Variants in GIPC2 observed in about 807,000 individuals in gnomAD.
GIPC2 encodes PDZ domain-containing protein GIPC2.
In GIPC2, 30 loss-of-function variants were observed where a neutral mutation model predicts 30.6. The ratio of observed to expected loss-of-function variants is 0.98; its 90% confidence interval spans 0.73 to 1.33. The LOEUF (loss-of-function observed/expected upper bound fraction) is 1.33. Ranked by LOEUF, GIPC2 falls within the 40% of genes most tolerant of loss-of-function variation. The pLI is 0.00. For missense variants in GIPC2, 414 were observed against 390.3 expected, an observed-to-expected ratio of 1.06 and a Z score of -0.51; for synonymous variants, 167 against 150.0, an observed-to-expected ratio of 1.11 and a Z score of -0.83.
chr1:78,107,090 C>T (rs187985504), intron 3 of GIPC2, among the ~76,000 whole-genome samples: 3 of 150,226 alleles, frequency 2.0e-5, no homozygotes, highest in African/African-American at 4.9e-5. Flanking sequence ...TTCTCCCTCC[C>T]TCTTTCCCTC....
At chr1:78,128,058 G>T (rs979990074) in intron 5 of GIPC2, among the ~76,000 whole-genome samples, 14 of 152,114 alleles carry the variant, frequency 9.2e-5, no homozygotes, top group African/African-American at 3.4e-4. Flanking sequence ...TAAAAACATT[G>T]GTAGTTTGTT....
At chr1:78,109,875 A>G (rs2100409221) in intron 3 of GIPC2, among the ~76,000 whole-genome samples, 1 of 152,342 alleles carries the variant, frequency 6.6e-6, no homozygotes, top group African/African-American at 2.4e-5. Context: ...TGATGAGTTC[A>G]TGTCCTTTGT....
At chr1:78,119,533 G>A (rs1662640276) in intron 4 of GIPC2, 34 bp downstream of exon 4, 1 of 1,288,648 alleles carries the variant, frequency 7.8e-7, no homozygotes, top group South Asian at 1.2e-5. Flanking sequence ...TGTTCTGCTT[G>A]GAAATGTTGA....
chr1:78,066,319 CAA>C (rs1432459373), intron 1 of GIPC2, among the ~76,000 whole-genome samples: 1 of 152,076 alleles, frequency 6.6e-6, no homozygotes, highest in East Asian at 1.9e-4. Flanking sequence ...AAATGCAAGT[CAA>C]AACCACAGTG....
At chr1:78,120,685 T>C (rs1662664824) in intron 4 of GIPC2, among the ~76,000 whole-genome samples, 1 of 152,276 alleles carries the variant, frequency 6.6e-6, no homozygotes. Flanking sequence ...TACATGGCAG[T>C]AGGCAAGAAA....
intron 5 of GIPC2, among the ~76,000 whole-genome samples, chr1:78,133,331 G>T (rs1662935814): frequency 6.6e-6 from 1 of 152,200 alleles, no homozygotes; most frequent in African/African-American, 2.4e-5. Flanking sequence ...TATTGAAAGT[G>T]TTTCCTGAGG....
upstream of GIPC2, chr1:78,045,791 C>T: frequency 1.7e-6 from 2 of 1,157,142 alleles, no homozygotes; most frequent in Non-Finnish European, 2.1e-6. Context: ...GCGTCGGCAT[C>T]CTCAGGCGTT....
chr1:78,129,511 A>C (rs768478658), intron 5 of GIPC2, among the ~76,000 whole-genome samples: 6 of 152,246 alleles, frequency 3.9e-5, no homozygotes, highest in African/African-American at 1.2e-4. Flanking sequence ...TTAAAACACT[A>C]TCCTCAAAAA....
intron 3 of GIPC2, among the ~76,000 whole-genome samples, chr1:78,114,541 C>G (rs571703185): frequency 1.3e-5 from 2 of 152,026 alleles, no homozygotes; most frequent in Admixed American, 1.3e-4. Flanking sequence ...GAAAACTGCC[C>G]TCTGGAGGCT....
At position 78,096,491 on chromosome 1, in the gene GIPC2, GTT is replaced by G. The variant is rs200429118; in HGVS notation, c.607+1372_607+1373del. ...ATCTGTTTCCAGAGTAAATTTTTCT[GTT>G]TTTTTTTTTTTTCCCATTGTCTGCA... On this transcript the variant is annotated intron_variant, in intron 3 of 5. Coordinates refer to ENST00000370759, the MANE Select transcript of GIPC2 (RefSeq NM_017655.6). Among the ~76,000 whole-genome samples, 213 of 135,548 alleles carry G rather than the reference GTT, an allele frequency of 1.6e-3. 1 individual carries two copies. Among genetic ancestry groups the G allele is most frequent in the African/African-American group, 5.4e-3 (202 of 37,450 alleles). The allele number at this position is 135,548 out of a possible 152,430, so 88.9% of individuals were successfully genotyped here.
At position 78,136,441 on chromosome 1, in the gene GIPC2, G is replaced by A. The variant is rs1247933076; in HGVS notation, c.*698G>A. The A allele has an allele frequency of 4.0e-5, 6 of 151,846 alleles. No homozygotes were observed. In the South Asian group the frequency reaches 8.4e-4, roughly 21 times the overall value. The allele number at this position is 151,846 out of a possible 1,614,324, so 9.4% of individuals were successfully genotyped here. ...AGAAGGGTAAAAAAGAGATGGGTAG[G>A]GTAGAACTACTTGCATTTGATTTTT... is the stretch of plus-strand genomic sequence containing the variant. On this transcript the variant is annotated 3_prime_UTR_variant, in exon 6 of 6. Coordinates refer to ENST00000370759, the MANE Select transcript of GIPC2 (RefSeq NM_017655.6).
intron 1 of GIPC2, among the ~76,000 whole-genome samples, chr1:78,079,063 CCT>C (rs1392877080): frequency 6.6e-6 from 1 of 152,036 alleles, no homozygotes; most frequent in Non-Finnish European, 1.5e-5. Context: ...TTTTTTTCCC[CCT>C]GAGAACAATA....
At chr1:78,124,029 A>G (rs770443317) in intron 4 of GIPC2, among the ~76,000 whole-genome samples, 10 of 152,266 alleles carry the variant, frequency 6.6e-5, no homozygotes, top group Non-Finnish European at 1.3e-4. Flanking sequence ...ATTTGAGACT[A>G]CAAAACAACA....
intron 2 of GIPC2, among the ~76,000 whole-genome samples, chr1:78,083,398 G>T (rs1462381492): frequency 6.6e-6 from 1 of 152,138 alleles, no homozygotes; most frequent in Non-Finnish European, 1.5e-5. Context: ...AAACTGGTTT[G>T]TCTCATTGTT....
At chr1:78,095,303 T>C (rs1395540313) in intron 3 of GIPC2, among the ~76,000 whole-genome samples, 171 bp downstream of exon 3, 3 of 152,134 alleles carry the variant, frequency 2.0e-5, no homozygotes, top group Admixed American at 6.5e-5. Context: ...AAGACAACTA[T>C]TGAAGGAAGA....
At position 78,129,458 on chromosome 1, in the gene GIPC2, A is replaced by G. The variant is rs542244460; in HGVS notation, c.796+3496A>G. Among the ~76,000 whole-genome samples the G allele has an allele frequency of 1.6e-4, 24 of 152,370 alleles. No homozygotes were observed. In the South Asian group the frequency reaches 2.5e-3, roughly 16 times the overall value. On this transcript the variant is annotated intron_variant, in intron 5 of 5. Transcript: ENST00000370759. ...TTTTTCTGTATTTGTTAACGTAAGT[A>G]TATATCTTAAAAATTTAAAAAGTAA...
At chr1:78,110,296 A>G (rs1662443423) in intron 3 of GIPC2, among the ~76,000 whole-genome samples, 1 of 152,210 alleles carries the variant, frequency 6.6e-6, no homozygotes, top group South Asian at 2.1e-4. Context: ...GCCCAGGTAG[A>G]GCTGTTGACT....
At chr1:78,091,073 T>G (rs993208952) in intron 2 of GIPC2, among the ~76,000 whole-genome samples, 1 of 152,226 alleles carries the variant, frequency 6.6e-6, no homozygotes, top group Admixed American at 6.5e-5. Flanking sequence ...GTTCTATACC[T>G]TTTTTAAAAA....
chr1:78,102,043 C>T (rs1419317408), intron 3 of GIPC2, among the ~76,000 whole-genome samples: 5 of 152,108 alleles, frequency 3.3e-5, no homozygotes, highest in African/African-American at 9.7e-5. Flanking sequence ...TTCTTGCGTG[C>T]CCTTTATGGA....
Sources: gnomAD v4.1 joint callset for allele counts (sites outside exome capture counted in the v4.1 genomes callset) on GRCh38, gnomAD v4.1.1 for gene constraint, MANE v1.5 for transcripts, NCBI Gene and HGNC (gene_info 2026-07-23, HGNC 2026-07-21) for gene names.